The following SLC44A2 variants were observed in gnomAD, a reference collection of about 807,000 sequenced individuals.
The protein encoded by SLC44A2 is choline transporter-like protein 2.
Under a neutral mutation model 90.8 loss-of-function variants are expected in SLC44A2, and 57 were observed. That is an observed-to-expected ratio of 0.63 (90% CI 0.51 to 0.78). The LOEUF (loss-of-function observed/expected upper bound fraction) is 0.78. Ranked by LOEUF, SLC44A2 falls within the 30% of genes least tolerant of loss-of-function variation. The pLI, the probability that SLC44A2 is intolerant of heterozygous loss-of-function variation, is 0.00. For synonymous variants in SLC44A2, 355 were observed against 360.7 expected, an observed-to-expected ratio of 0.98 and a Z score of 0.18; for missense variants, 794 against 919.7, an observed-to-expected ratio of 0.86 and a Z score of 1.77.
upstream of SLC44A2, chr19:10,602,473 C>T (rs1050562022): frequency 3.1e-5 from 36 of 1,159,074 alleles, no homozygotes; most frequent in Non-Finnish European, 3.6e-5. Context: ...CGGAGCCTCC[C>T]GCCCGCCCGG....
upstream of SLC44A2, among the ~76,000 whole-genome samples, chr19:10,621,422 GTTTTTTTTTTT>G (rs34643212): frequency 2.2e-5 from 2 of 89,440 alleles, 1 homozygote; most frequent in Admixed American, 3.0e-4. Flanking sequence ...ATGGTTGGGT[GTTTTTTTTTTT>G]TTTTTTTTGG....
upstream of SLC44A2, among the ~76,000 whole-genome samples, chr19:10,620,906 G>T (rs551952394): frequency 2.0e-5 from 3 of 152,270 alleles, no homozygotes; most frequent in African/African-American, 7.2e-5. Flanking sequence ...AGGCATGGTG[G>T]TGTGTGCCTA....
At chr19:10,632,303 G>A (rs985132088) in intron 10 of SLC44A2, 147 bp downstream of exon 10, 31 of 624,946 alleles carry the variant, frequency 5.0e-5, no homozygotes, top group African/African-American at 1.8e-4. Context: ...TTGGGAGGCC[G>A]AGGCAGGCAG....
chr19:10,610,131 G>C (rs1462868843), intron 1 of SLC44A2, among the ~76,000 whole-genome samples: 1 of 151,422 alleles, frequency 6.6e-6, no homozygotes, highest in Non-Finnish European at 1.5e-5. Context: ...TAGATTGTTG[G>C]GTGGTGGCCT....
chr19:10,625,703 C>G (rs1230613236), intron 1 of SLC44A2, 33 bp downstream of exon 1: 1 of 1,244,366 alleles, frequency 8.0e-7, no homozygotes, highest in East Asian at 3.1e-5. Context: ...AGCCCCGGGC[C>G]GACCCCTCGG....
At chr19:10,642,857 C>A in intron 21 of SLC44A2, 1 of 1,543,368 alleles carries the variant, frequency 6.5e-7, no homozygotes, top group Non-Finnish European at 8.7e-7. Flanking sequence ...CCTTCCCGAC[C>A]ACCCCATTTT....
intron 1 of SLC44A2, chr19:10,602,590 C>G: frequency 8.0e-7 from 1 of 1,257,030 alleles, no homozygotes; most frequent in Non-Finnish European, 1.0e-6. Context: ...CAGGGGCCGC[C>G]TCTGCTGACC....
intron 10 of SLC44A2, among the ~76,000 whole-genome samples, chr19:10,633,725 G>C (rs566986500): frequency 6.6e-6 from 1 of 152,286 alleles, no homozygotes; most frequent in South Asian, 2.1e-4. Context: ...CCTAAGTGTT[G>C]GGATTACAGG....
At chr19:10,609,361 A>G (rs535713191) in intron 1 of SLC44A2, among the ~76,000 whole-genome samples, 1 of 149,718 alleles carries the variant, frequency 6.7e-6, no homozygotes, top group Non-Finnish European at 1.5e-5. Context: ...GTGTAGTGGC[A>G]TGATCTCAGC....
chr19:10,614,320 G>A (rs1174410477), intron 1 of SLC44A2, among the ~76,000 whole-genome samples: 4 of 151,932 alleles, frequency 2.6e-5, no homozygotes, highest in African/African-American at 9.7e-5. Flanking sequence ...TTACAGCAAC[G>A]AAAGGAAATA....
chr19:10,635,408 C>G, intron 13 of SLC44A2, 23 bp from the exon 14 acceptor site: 3 of 1,613,998 alleles, frequency 1.9e-6, no homozygotes, highest in Non-Finnish European at 2.5e-6. Context: ...TCCTAGACCT[C>G]TGCTTCCTTA....
At chr19:10,636,881 A>G (rs878919333) in intron 16 of SLC44A2, 125 bp downstream of exon 16, 7 of 1,012,634 alleles carry the variant, frequency 6.9e-6, no homozygotes, top group Admixed American at 2.5e-5. Context: ...GTTTCTGTCT[A>G]TGACGGGGTG....
intron 16 of SLC44A2, 169 bp downstream of exon 16, chr19:10,636,925 T>C (rs898516546): frequency 1.4e-6 from 1 of 689,672 alleles, no homozygotes; most frequent in Non-Finnish European, 2.4e-6. Flanking sequence ...AGTCCTGCGA[T>C]GGAGGAGCAA....
In SLC44A2 at chr19:10,643,295, G is replaced by T. The variant is rs2067138063; in HGVS notation, c.2031G>T (p.Arg677Ser). ...LFLCFLEDLERNDGSAERPYF... is the reference protein window; with the variant it reads ...LFLCFLEDLESNDGSAERPYF... Reference sequence around the variant, plus strand: ...TCTCCACAGTGGAGGACCTGGAGAGGAATGACGGCTCGGCCGAGAGGCCTT... The same window carrying T: ...TCTCCACAGTGGAGGACCTGGAGAGTAATGACGGCTCGGCCGAGAGGCCTT... The change falls in exon 22 of 22, where the codon AGG (arginine) becomes AGT (serine). Residue 677 changes from arginine (R) to serine (S), a missense_variant. Physicochemically the swap from Arg to Ser is moderately radical, Grantham distance 110. Coordinates refer to ENST00000335757, the MANE Select transcript of SLC44A2 (RefSeq NM_020428.4). 2 of 1,611,808 alleles carry T rather than the reference G, an allele frequency of 1.2e-6. No homozygotes were observed. The highest frequency in any genetic ancestry group is 1.1e-5 in the South Asian group (1 of 90,596).
At chr19:10,626,009 G>A (rs556689240) in intron 1 of SLC44A2, among the ~76,000 whole-genome samples, 1 of 152,124 alleles carries the variant, frequency 6.6e-6, no homozygotes, top group Non-Finnish European at 1.5e-5. Context: ...CCCAGTGGGT[G>A]GCCGCCAGTT....
Position 10,632,140 on chromosome 19 carries a change from T to A in SLC44A2, c.807T>A (p.Ile269=), listed in dbSNP as rs553131905. The A allele has an allele frequency of 1.2e-6, 2 of 1,613,872 alleles. No individual in the cohort carries two copies. The highest frequency in any genetic ancestry group is 4.5e-5 in the East Asian group (2 of 44,880). Residue 269 remains isoleucine (I), a synonymous_variant, in exon 10 of 22, where the codon ATT becomes ATA. Transcript: ENST00000335757. ...IMVWVMIIMV[I]LVLGYGIFHC... The stretch of plus-strand genomic sequence containing the variant: ...TCTGGGTGATGATCATCATGGTGAT[T>A]CTGGTGCTGGGCTACGGTGCGTCAC...
At chr19:10,618,233 G>A (rs2066871064) in intron 1 of SLC44A2, among the ~76,000 whole-genome samples, 1 of 146,480 alleles carries the variant, frequency 6.8e-6, no homozygotes, top group South Asian at 2.2e-4. Flanking sequence ...GGAGTGCAGT[G>A]TCGTAGTCTC....
At chr19:10,602,556 C>A (rs980998438) in exon 1 of SLC44A2, 2 of 1,276,922 alleles carry the variant, frequency 1.6e-6, no homozygotes, top group South Asian at 2.9e-5. Flanking sequence ...AAAAACGGAG[C>A]CTACGGTAGG....
At chr19:10,614,742 G>T (rs534745557) in intron 1 of SLC44A2, among the ~76,000 whole-genome samples, 4 of 151,488 alleles carry the variant, frequency 2.6e-5, no homozygotes, top group African/African-American at 9.7e-5. Context: ...AGGCTGAGGC[G>T]GGCGGATCAC....
Sources: allele counts gnomAD v4.1 joint callset (sites outside exome capture counted in the v4.1 genomes callset), GRCh38; gene constraint gnomAD v4.1.1; transcripts MANE v1.5; gene names NCBI Gene and HGNC (gene_info 2026-07-23, HGNC 2026-07-21).